Variants in VIT observed in about 807,000 individuals in gnomAD.
VIT encodes vitrin.
A neutral mutation model predicts 78.0 loss-of-function variants in VIT; 99 were observed. The observed-to-expected ratio is 1.27, with a 90% confidence interval of 1.08 to 1.50. The LOEUF (loss-of-function observed/expected upper bound fraction) is 1.50. Ranked by LOEUF, VIT falls within the 40% of genes most tolerant of loss-of-function variation. The pLI is 0.00. For synonymous variants in VIT, 374 were observed against 334.3 expected, an observed-to-expected ratio of 1.12 and a Z score of -1.29; for missense variants, 1,126 against 875.3, an observed-to-expected ratio of 1.29 and a Z score of -3.61.
intron 4 of VIT, among the ~76,000 whole-genome samples, chr2:36,746,277 CAT>C (rs1201004077): frequency 6.6e-6 from 1 of 151,688 alleles, no homozygotes; most frequent in Admixed American, 6.6e-5. Context: ...ATTTTTTTCA[CAT>C]GTCTCAACTA....
chr2:36,712,321 C>T (rs1412200930), intron 1 of VIT, among the ~76,000 whole-genome samples: 1 of 152,046 alleles, frequency 6.6e-6, no homozygotes, highest in East Asian at 1.9e-4. Flanking sequence ...GGTGAGATCG[C>T]GGGGATTAGA....
At chr2:36,782,000 G>A (rs1490683033) in intron 10 of VIT, among the ~76,000 whole-genome samples, 2 of 152,242 alleles carry the variant, frequency 1.3e-5, no homozygotes, top group East Asian at 1.9e-4. Context: ...GAGAGGAAAC[G>A]TGAAGACAAA....
At position 36,752,463 on chromosome 2, in the gene VIT, A is replaced by T. The variant is rs73924177; in HGVS notation, c.276-2458A>T. Among the ~76,000 whole-genome samples the T allele has an allele frequency of 4.3e-3, 661 of 152,354 alleles. 3 individuals are homozygous for T. Among genetic ancestry groups the T allele is most frequent in the African/African-American group, 0.015 (629 of 41,586 alleles). On this transcript the variant is annotated intron_variant, in intron 4 of 15. Coordinates refer to ENST00000379242, the MANE Select transcript of VIT (RefSeq NM_053276.4). ...CAGGGAGGAGGTGAACATCAAGGCC[A>T]TGCTCAGCACCATGCAGGGCACCTG...
In VIT at chr2:36,746,631, G is replaced by A. The variant is rs1345663323; in HGVS notation, c.275+3375G>A. On this transcript the variant is annotated intron_variant, in intron 4 of 15. Transcript: ENST00000379242. ...TCTGAAGAACTTTTGTATTTCTGTG[G>A]GATTGGTTGCAATGTCATCTTTGTC... Among the ~76,000 whole-genome samples the A allele has an allele frequency of 3.9e-5, 6 of 151,904 alleles. No individual in the cohort carries two copies. In the South Asian group the frequency reaches 1.2e-3, roughly 32 times the overall value.
intron 12 of VIT, 77 bp from the exon 13 acceptor site, chr2:36,801,224 A>C (rs1191228185): frequency 3.8e-6 from 5 of 1,310,352 alleles, no homozygotes; most frequent in South Asian, 2.4e-5. Context: ...TATATAAAAG[A>C]ATCAACCATG....
At chr2:36,767,320 G>A in intron 7 of VIT, 35 bp downstream of exon 7, 3 of 1,453,894 alleles carry the variant, frequency 2.1e-6, no homozygotes, top group Non-Finnish European at 2.7e-6. Context: ...TTTGTGCTAG[G>A]GAAATGGGAA....
rs145097317 is a variant in VIT at position 36,750,930 on chromosome 2, TTA to T, written c.276-3986_276-3985del. On this transcript the variant is annotated intron_variant, in intron 4 of 15. Transcript: ENST00000379242. ...AGGTTATTGTTAGCATCCTCATTTG[TTA>T]TATAAGAAACCGAGGTATCAAAAAG... Among the ~76,000 whole-genome samples, 1,145 of 152,306 alleles carry T rather than the reference TTA, an allele frequency of 7.5e-3. 15 individuals are homozygous for T. The highest frequency in any genetic ancestry group is 0.026 in the African/African-American group (1,091 of 41,568).
intron 6 of VIT, chr2:36,759,346 A>G (rs1419396626): frequency 4.2e-6 from 6 of 1,421,546 alleles, no homozygotes; most frequent in Non-Finnish European, 5.5e-6. Context: ...AGAAAATGAC[A>G]TGACATTCTG....
intron 9 of VIT, among the ~76,000 whole-genome samples, chr2:36,777,055 C>T (rs539430240): frequency 7.1e-6 from 1 of 141,364 alleles, no homozygotes; most frequent in African/African-American, 2.5e-5. Context: ...CGCCACTGCA[C>T]TCCAGCCTGG....
At chr2:36,782,018 A>C (rs1664794428) in intron 10 of VIT, among the ~76,000 whole-genome samples, 1 of 152,150 alleles carries the variant, frequency 6.6e-6, no homozygotes, top group Non-Finnish European at 1.5e-5. Context: ...AAAAAGCCAG[A>C]AGGGAGCTAG....
Position 36,787,221 on chromosome 2 carries a change from G to C in VIT, c.1003G>C (p.Ala335Pro). The C allele has an allele frequency of 6.2e-7, 1 of 1,614,134 alleles. No individual in the cohort carries two copies. Among genetic ancestry groups the C allele is most frequent in the Non-Finnish European group, 8.5e-7 (1 of 1,180,006 alleles). ...CCAGAAGCAGCTCCTGGCTGATGTTGCCCAAGCTCTTGACATTGGCCCTGC... is the reference window on the plus strand; with the variant it reads ...CCAGAAGCAGCTCCTGGCTGATGTTCCCCAAGCTCTTGACATTGGCCCTGC... ...RIQKQLLADV[A>P]QALDIGPAGP... The change falls in exon 12 of 16, where the codon GCC (alanine) becomes CCC (proline). Residue 335 changes from alanine (A) to proline (P), a missense_variant. Coordinates refer to ENST00000379242, the MANE Select transcript of VIT (RefSeq NM_053276.4).
intron 4 of VIT, among the ~76,000 whole-genome samples, chr2:36,753,884 G>T (rs1398924170): frequency 6.6e-6 from 1 of 152,146 alleles, no homozygotes; most frequent in African/African-American, 2.4e-5. Flanking sequence ...GAGGACTTAA[G>T]GTGAGTTCAA....
chr2:36,706,636 T>C (rs1665443203), intron 1 of VIT, among the ~76,000 whole-genome samples: 1 of 152,146 alleles, frequency 6.6e-6, no homozygotes, highest in Admixed American at 6.5e-5. Context: ...GATTCCAAAA[T>C]CCCAGGGGAG....
intron 9 of VIT, among the ~76,000 whole-genome samples, chr2:36,776,275 T>C (rs1670039131): frequency 6.6e-6 from 1 of 152,188 alleles, no homozygotes; most frequent in Non-Finnish European, 1.5e-5. Flanking sequence ...TCTTCCCTTC[T>C]CTGACTACAT....
intron 12 of VIT, among the ~76,000 whole-genome samples, chr2:36,799,631 T>A (rs934614659): frequency 6.6e-6 from 1 of 151,226 alleles, no homozygotes; most frequent in African/African-American, 2.4e-5. Context: ...GGTGGGAGGA[T>A]GCTTGAGCCC....
intron 5 of VIT, among the ~76,000 whole-genome samples, chr2:36,756,146 C>T (rs934687528): frequency 5.9e-5 from 9 of 151,820 alleles, no homozygotes; most frequent in Non-Finnish European, 1.3e-4. Flanking sequence ...TTAGTGCAGA[C>T]GGGGTTTCTC....
At chr2:36,765,990 T>A (rs1669405491) in intron 6 of VIT, among the ~76,000 whole-genome samples, 1 of 152,232 alleles carries the variant, frequency 6.6e-6, no homozygotes, top group Admixed American at 6.5e-5. Context: ...CAGTGGGTTG[T>A]TCCTTCCCAG....
chr2:36,734,548 C>A (rs10189296), intron 3 of VIT, among the ~76,000 whole-genome samples: 23,015 of 152,046 alleles, frequency 0.15, 1,855 homozygotes, highest in East Asian at 0.19. Flanking sequence ...TAATCAAAGG[C>A]TGACCAAGTA....
intron 2 of VIT, among the ~76,000 whole-genome samples, chr2:36,720,666 T>C (rs1430638000): frequency 1.3e-5 from 2 of 152,058 alleles, no homozygotes; most frequent in Non-Finnish European, 2.9e-5. Context: ...AGAACAATGG[T>C]TTCCAGGGGC....
Sources: allele counts gnomAD v4.1 joint callset (sites outside exome capture counted in the v4.1 genomes callset), GRCh38; gene constraint gnomAD v4.1.1; transcripts MANE v1.5; gene names NCBI Gene and HGNC (gene_info 2026-07-23, HGNC 2026-07-21).